Variants in CACNA1D observed in about 807,000 individuals in gnomAD.
CACNA1D encodes voltage-dependent L-type calcium channel subunit alpha-1D.
In CACNA1D, 55 loss-of-function variants were observed where a neutral mutation model predicts 257.1. That is an observed-to-expected ratio of 0.21 (90% confidence interval 0.17 to 0.27). The LOEUF (loss-of-function observed/expected upper bound fraction) is 0.27, where lower values mean the gene tolerates loss of function less well. CACNA1D is among the 10% of genes least tolerant of loss of function. The pLI is 1.00. For synonymous variants in CACNA1D, 980 were observed against 1,014.9 expected (o/e 0.97, Z 0.65); for missense variants, 1,876 against 2,784.0 (o/e 0.67, Z 7.34).
At chr3:53,645,165 G>C (rs1321455298) in intron 3 of CACNA1D, among the ~76,000 whole-genome samples, 3 of 152,098 alleles carry the variant, frequency 2.0e-5, no homozygotes, top group African/African-American at 7.2e-5. Context: ...TTTAAAGTCA[G>C]ATTGTTTTCT....
At chr3:53,618,707 G>A (rs904911289) in intron 3 of CACNA1D, among the ~76,000 whole-genome samples, 8 of 152,174 alleles carry the variant, frequency 5.3e-5, no homozygotes, top group Admixed American at 6.5e-5. Flanking sequence ...ATCTCTGCTC[G>A]TTGGTCAGAC....
In CACNA1D at chr3:53,542,409, G is replaced by C. The variant is rs202128215; in HGVS notation, c.483+40689G>C. On this transcript the variant is annotated intron_variant, in intron 3 of 47. Transcript: ENST00000350061. ...AGCCTGGGCAACATATGGAGACTTT[G>C]TCTCTACAAAAATAAAATAATTAGC... is the stretch of plus-strand genomic sequence containing the variant. 2.6e-5 allele frequency among the ~76,000 whole-genome samples: 4 copies of C among 151,808 alleles called. No homozygotes were observed. The East Asian group carries it at 7.8e-4, about 30-fold the overall frequency.
intron 3 of CACNA1D, among the ~76,000 whole-genome samples, chr3:53,555,462 T>TGTGTGTGTGTG (rs1448053839): frequency 1.0e-5 from 1 of 97,778 alleles, no homozygotes; most frequent in Admixed American, 9.3e-5. Context: ...GTGTGTGTGT[T>TGTGTGTGTGTG]TTTTTTTTTT....
intron 20 of CACNA1D, among the ~76,000 whole-genome samples, chr3:53,739,620 TA>T (rs935196193): frequency 1.3e-5 from 2 of 151,960 alleles, no homozygotes; most frequent in South Asian, 2.1e-4. Context: ...CAAGGTTTTT[TA>T]AAAAAAACCC....
chr3:53,617,724 G>A (rs1007819902), intron 3 of CACNA1D, among the ~76,000 whole-genome samples: 1 of 152,150 alleles, frequency 6.6e-6, no homozygotes, highest in African/African-American at 2.4e-5. Context: ...CTGGCTCTAA[G>A]CCCAACCAAG....
At position 53,703,339 on chromosome 3, in the gene CACNA1D, G is replaced by A. The variant is rs552282069; in HGVS notation, c.1390+529G>A. 2.3e-4 allele frequency among the ~76,000 whole-genome samples: 35 copies of A among 152,270 alleles called. No individual in the cohort carries two copies. The South Asian group carries it at 6.0e-3, about 26-fold the overall frequency. On this transcript the variant is annotated intron_variant, in intron 9 of 47. Transcript: ENST00000350061. The stretch of plus-strand genomic sequence containing the variant: ...TCACCATTCTAGGCAGGTGTTAAGG[G>A]GCACGTGAGTCAGTGACAGCTGCTT...
At chr3:53,713,700 G>C (rs1187220243) in intron 9 of CACNA1D, among the ~76,000 whole-genome samples, 1 of 152,182 alleles carries the variant, frequency 6.6e-6, no homozygotes, top group Non-Finnish European at 1.5e-5. Context: ...ACTGTGTGTG[G>C]CATTGCCCAT....
intron 19 of CACNA1D, among the ~76,000 whole-genome samples, chr3:53,733,184 G>A (rs2095016593): frequency 6.6e-6 from 1 of 152,212 alleles, no homozygotes; most frequent in Non-Finnish European, 1.5e-5. Context: ...CCACAGGGGT[G>A]TGGCCAGGTC....
chr3:53,519,024 A>G (rs1241636019), intron 3 of CACNA1D, among the ~76,000 whole-genome samples: 3 of 152,194 alleles, frequency 2.0e-5, no homozygotes, highest in Non-Finnish European at 4.4e-5. Flanking sequence ...CTTTGGCCCC[A>G]GGAAAATGGG....
chr3:53,544,683 A>T (rs952940379), intron 3 of CACNA1D, among the ~76,000 whole-genome samples: 3 of 152,216 alleles, frequency 2.0e-5, no homozygotes, highest in African/African-American at 7.2e-5. Context: ...TGTCTTTACA[A>T]ATCAATATGC....
intron 14 of CACNA1D, 114 bp from the exon 15 acceptor site, chr3:53,726,765 A>G (rs2094939035): frequency 7.8e-7 from 1 of 1,287,888 alleles, no homozygotes; most frequent in East Asian, 2.3e-5. Flanking sequence ...GTTCAGTGCA[A>G]ACTGGACTGT....
At chr3:53,660,914 T>TGA (rs937742366) in intron 5 of CACNA1D, among the ~76,000 whole-genome samples, 2 of 152,116 alleles carry the variant, frequency 1.3e-5, no homozygotes, top group Non-Finnish European at 2.9e-5. Flanking sequence ...TCTCAGTGGG[T>TGA]GAGAGAGAGA....
At chr3:53,785,333 T>C (rs3774594) in intron 39 of CACNA1D, among the ~76,000 whole-genome samples, 32,754 of 152,070 alleles carry the variant, frequency 0.22, 4,144 homozygotes, top group Middle Eastern at 0.3. Context: ...CTATCTTAGC[T>C]TAGGTTTAGA....
Position 53,800,778 on chromosome 3 carries a change from G to A in CACNA1D, c.5041-280G>A, listed in dbSNP as rs942536918. On this transcript the variant is annotated intron_variant, in intron 41 of 47. Transcript: ENST00000350061. The surrounding 1 kb of genome is among the most constrained non-coding windows in gnomAD (Gnocchi z 4.3). ...TGGGGCCACCAGCCAGCCCAGCTGG[G>A]TATAAGTCACCCCAACTTGGAGCAA... 3 of 546,698 alleles carry A rather than the reference G, an allele frequency of 5.5e-6. No individual in the cohort carries two copies. The highest frequency in any genetic ancestry group is 1.9e-5 in the African/African-American group (1 of 52,828). The allele number at this position is 546,698 out of a possible 1,614,324, so 33.9% of individuals were successfully genotyped here.
intron 2 of CACNA1D, among the ~76,000 whole-genome samples, chr3:53,498,165 C>T (rs557445961): frequency 6.6e-6 from 1 of 152,206 alleles, no homozygotes; most frequent in Non-Finnish European, 1.5e-5. Flanking sequence ...GTGTGTGCCT[C>T]TTCCTCCTGG....
intron 8 of CACNA1D, among the ~76,000 whole-genome samples, chr3:53,677,322 G>A (rs985529599): frequency 4.6e-5 from 7 of 152,178 alleles, no homozygotes; most frequent in African/African-American, 1.7e-4. Context: ...CTGGAGTCCC[G>A]CGTTCACTCT....
chr3:53,505,899 G>A (rs1266834934), intron 3 of CACNA1D, among the ~76,000 whole-genome samples: 3 of 152,154 alleles, frequency 2.0e-5, no homozygotes, highest in East Asian at 3.9e-4. Context: ...GGAATGCTGC[G>A]GGACAGTCTA....
intron 3 of CACNA1D, among the ~76,000 whole-genome samples, chr3:53,503,608 C>G (rs1169656820): frequency 6.6e-6 from 1 of 152,160 alleles, no homozygotes; most frequent in Non-Finnish European, 1.5e-5. Context: ...CTGAATTTTT[C>G]CCAGGGAAAT....
intron 3 of CACNA1D, among the ~76,000 whole-genome samples, chr3:53,624,463 T>C (rs1384549367): frequency 6.6e-6 from 1 of 152,236 alleles, no homozygotes; most frequent in Non-Finnish European, 1.5e-5. Flanking sequence ...CCTTTGCCCA[T>C]CCCACCACCT....
Sources: gnomAD v4.1 joint callset for allele counts (sites outside exome capture counted in the v4.1 genomes callset) on GRCh38, gnomAD v4.1.1 for gene constraint, Gnocchi (gnomAD v3.1) non-coding constraint, MANE v1.5 for transcripts, NCBI Gene and HGNC (gene_info 2026-07-23, HGNC 2026-07-21) for gene names.